Variants in LRRC69 observed in about 807,000 individuals in gnomAD.
LRRC69 encodes the protein leucine rich repeat containing 69.
Under a neutral mutation model 37.8 loss-of-function variants are expected in LRRC69, and 42 were observed. The observed-to-expected ratio is 1.11, with a 90% CI of 0.87 to 1.44. The LOEUF (loss-of-function observed/expected upper bound fraction) is 1.44. LRRC69 is among the 40% of genes most tolerant of loss of function. The probability of loss-of-function intolerance (pLI) is 0.00; values close to 1 mark genes in which losing one functional copy is unlikely to be tolerated. For missense variants in LRRC69, 357 were observed against 401.9 expected (o/e 0.89, Z 0.96); for synonymous variants, 141 against 143.1 (o/e 0.99, Z 0.11).
intron 6 of LRRC69, among the ~76,000 whole-genome samples, chr8:91,198,160 G>A (rs1164136767): frequency 6.6e-6 from 1 of 152,142 alleles, no homozygotes; most frequent in South Asian, 2.1e-4. Context: ...AAAATTTATT[G>A]CTAATAACTA....
At chr8:91,169,460 C>G (rs1202934549) in intron 5 of LRRC69, among the ~76,000 whole-genome samples, 1 of 151,598 alleles carries the variant, frequency 6.6e-6, no homozygotes, top group Non-Finnish European at 1.5e-5. Flanking sequence ...AATATAGAAG[C>G]AAATTACTGA....
intron 5 of LRRC69, chr8:91,157,870 A>G (rs556262573): frequency 1.2e-6 from 2 of 1,601,246 alleles, no homozygotes; most frequent in Admixed American, 1.7e-5. Context: ...TTTCAAATGC[A>G]TTTTTAGATA....
intron 5 of LRRC69, among the ~76,000 whole-genome samples, chr8:91,165,114 C>A (rs1032663705): frequency 6.6e-5 from 10 of 151,678 alleles, no homozygotes; most frequent in Admixed American, 1.3e-4. Flanking sequence ...TTGGCAACAT[C>A]TGTAGTTCCC....
rs996645221 is a variant in LRRC69 at position 91,174,250 on chromosome 8, T to C, written c.652-15272T>C. Among the ~76,000 whole-genome samples the C allele has an allele frequency of 5.9e-5, 9 of 152,266 alleles. No homozygotes were observed. In the East Asian group the frequency reaches 7.7e-4, roughly 13 times the overall value. ...GTCCAGTGCTTTGTCTAGTCTACTATTAAGTACAGATAAAGTTATATGAAA... is the reference window on the plus strand; with the variant it reads ...GTCCAGTGCTTTGTCTAGTCTACTACTAAGTACAGATAAAGTTATATGAAA... On this transcript the variant is annotated intron_variant, in intron 5 of 7. Transcript: ENST00000448384.
intron 5 of LRRC69, among the ~76,000 whole-genome samples, chr8:91,174,738 A>T (rs1235531449): frequency 6.6e-6 from 1 of 152,240 alleles, no homozygotes; most frequent in Non-Finnish European, 1.5e-5. Flanking sequence ...GTATTCCCTA[A>T]GGAAAGTGCC....
At chr8:91,157,868 G>A (rs1808864398) in intron 5 of LRRC69, 17 of 1,601,764 alleles carry the variant, frequency 1.1e-5, no homozygotes, top group Middle Eastern at 4.0e-4. Context: ...TGTTTCAAAT[G>A]CATTTTTAGA....
At chr8:91,103,599 TA>T (rs1338155880) in intron 1 of LRRC69, among the ~76,000 whole-genome samples, 1 of 152,010 alleles carries the variant, frequency 6.6e-6, no homozygotes, top group Non-Finnish European at 1.5e-5. Context: ...TAGAAGCAGC[TA>T]AGGCGTTATA....
intron 5 of LRRC69, among the ~76,000 whole-genome samples, chr8:91,166,537 C>T (rs1809034170): frequency 7.0e-6 from 1 of 141,868 alleles, no homozygotes; most frequent in African/African-American, 2.7e-5. Context: ...CCTGAAAATC[C>T]TAATATTAGC....
chr8:91,132,816 C>T (rs1420333292), intron 3 of LRRC69, among the ~76,000 whole-genome samples: 5 of 151,854 alleles, frequency 3.3e-5, no homozygotes, highest in African/African-American at 1.2e-4. Context: ...TGGGTATGGC[C>T]AATGTATATG....
At position 91,106,423 on chromosome 8, in the gene LRRC69, C is replaced by T. The variant is rs188022018; in HGVS notation, c.183+3579C>T. On this transcript the variant is annotated intron_variant, in intron 1 of 7. Transcript: ENST00000448384. ...TGTTTTTAAGTTCCTAAAACAAAAACACTACTTTTAAATTTCTGTACTCAT... is the reference window on the plus strand; with the variant it reads ...TGTTTTTAAGTTCCTAAAACAAAAATACTACTTTTAAATTTCTGTACTCAT... Among the ~76,000 whole-genome samples, 6 of 152,062 alleles carry T rather than the reference C, an allele frequency of 3.9e-5. No homozygotes were observed. The East Asian group carries it at 1.2e-3, about 29-fold the overall frequency.
intron 3 of LRRC69, among the ~76,000 whole-genome samples, chr8:91,127,833 T>C (rs1333516892): frequency 6.6e-6 from 1 of 151,908 alleles, no homozygotes; most frequent in East Asian, 1.9e-4. Context: ...AAGAGCAGCA[T>C]CCAGGGTTTT....
chr8:91,171,037 A>G (rs1809118228), intron 5 of LRRC69, among the ~76,000 whole-genome samples: 1 of 151,058 alleles, frequency 6.6e-6, no homozygotes, highest in African/African-American at 2.4e-5. Flanking sequence ...TCTACAATGA[A>G]CTCAAACAAA....
chr8:91,163,437 G>A (rs1808979472), intron 5 of LRRC69, among the ~76,000 whole-genome samples: 1 of 151,400 alleles, frequency 6.6e-6, no homozygotes, highest in Non-Finnish European at 1.5e-5. Flanking sequence ...TGACTGAATA[G>A]CTTTATCATA....
chr8:91,119,497 G>A (rs1260968649), intron 1 of LRRC69, among the ~76,000 whole-genome samples: 1 of 151,926 alleles, frequency 6.6e-6, no homozygotes, highest in Non-Finnish European at 1.5e-5. Flanking sequence ...TACATTCTTG[G>A]TTGCAGAGCT....
intron 6 of LRRC69, among the ~76,000 whole-genome samples, chr8:91,190,705 C>T (rs901415409): frequency 6.6e-6 from 1 of 152,068 alleles, no homozygotes; most frequent in African/African-American, 2.4e-5. Flanking sequence ...TTAACTACTT[C>T]CCCACTGTTG....
At chr8:91,104,379 C>T (rs1232869555) in intron 1 of LRRC69, among the ~76,000 whole-genome samples, 3 of 151,752 alleles carry the variant, frequency 2.0e-5, no homozygotes, top group Non-Finnish European at 4.4e-5. Flanking sequence ...TGTTTTGTGT[C>T]TTGGGTAACT....
At chr8:91,159,890 A>C (rs1337393953) in intron 5 of LRRC69, among the ~76,000 whole-genome samples, 2 of 151,094 alleles carry the variant, frequency 1.3e-5, no homozygotes, top group Non-Finnish European at 3.0e-5. Context: ...TCTTGGGATG[A>C]AAATGATTGT....
intron 5 of LRRC69, among the ~76,000 whole-genome samples, chr8:91,183,119 G>A (rs979053557): frequency 6.6e-6 from 1 of 152,210 alleles, no homozygotes; most frequent in East Asian, 1.9e-4. Context: ...CTCACAGATT[G>A]TATGGGAGCA....
intron 5 of LRRC69, among the ~76,000 whole-genome samples, chr8:91,174,867 T>C (rs1809196940): frequency 7.0e-6 from 1 of 142,512 alleles, no homozygotes; most frequent in African/African-American, 2.7e-5. Context: ...AGTGGAGAGG[T>C]GCTAACTGTA....
Sources: gnomAD v4.1 joint callset for allele counts (sites outside exome capture counted in the v4.1 genomes callset) on GRCh38, gnomAD v4.1.1 for gene constraint, MANE v1.5 for transcripts, NCBI Gene and HGNC (gene_info 2026-07-23, HGNC 2026-07-21) for gene names.